Variants in RB1 observed in about 807,000 individuals in gnomAD.
The protein encoded by RB1 is retinoblastoma-associated protein.
A neutral mutation model predicts 135.4 loss-of-function variants in RB1; 18 were observed. That is an observed-to-expected ratio of 0.13 (90% CI 0.09 to 0.20). RB1 has a LOEUF of 0.20. Ranked by LOEUF, RB1 falls within the 10% of genes least tolerant of loss-of-function variation. The probability of loss-of-function intolerance (pLI) is 1.00; values close to 1 mark genes in which losing one functional copy is unlikely to be tolerated. For synonymous variants in RB1, 365 were observed against 373.2 expected, an observed-to-expected ratio of 0.98 and a Z score of 0.25; for missense variants, 868 against 1,110.0, an observed-to-expected ratio of 0.78 and a Z score of 3.10.
At chr13:48,338,191 C>T (rs372091497) in intron 2 of RB1, among the ~76,000 whole-genome samples, 1 of 152,120 alleles carries the variant, frequency 6.6e-6, no homozygotes, top group African/African-American at 2.4e-5. Context: ...ATCTTTGTGG[C>T]ATTCTCTGTA....
intron 17 of RB1, among the ~76,000 whole-genome samples, chr13:48,425,961 A>C (rs1949073840): frequency 6.6e-6 from 1 of 152,206 alleles, no homozygotes. Flanking sequence ...AAAACTAAAA[A>C]CTGGGTCCTC....
chr13:48,347,912 A>G (rs1448894108), intron 5 of RB1, 49 bp downstream of exon 5: 2 of 1,398,314 alleles, frequency 1.4e-6, no homozygotes, highest in Non-Finnish European at 2.0e-6. Flanking sequence ...AAAGATTTTT[A>G]TGGAATAATC....
At chr13:48,382,531 T>A (rs566052505) in intron 17 of RB1, among the ~76,000 whole-genome samples, 8 of 152,336 alleles carry the variant, frequency 5.3e-5, no homozygotes. Flanking sequence ...TTTCACCCAC[T>A]TTTTGATGGG....
At chr13:48,355,095 C>T (rs1440630490) in intron 6 of RB1, among the ~76,000 whole-genome samples, 2 of 151,988 alleles carry the variant, frequency 1.3e-5, no homozygotes, top group Non-Finnish European at 2.9e-5. Context: ...AAAGCTTCTA[C>T]ACAGCAAAGG....
Position 48,323,091 on chromosome 13 carries a change from T to G in RB1, c.264+15685T>G, listed in dbSNP as rs147606047. ...TTTTGATGGGGCAGTTTGTGAAGAA[T>G]AGATATTAATTCTTCTTTAAATATT... On this transcript the variant is annotated intron_variant, in intron 2 of 26. Transcript: ENST00000267163. Among the ~76,000 whole-genome samples the G allele has an allele frequency of 4.7e-4, 72 of 152,236 alleles. No individual in the cohort carries two copies. In the East Asian group the frequency reaches 0.012, roughly 26 times the overall value.
chr13:48,408,718 A>G (rs1410996853), intron 17 of RB1: 1 of 152,136 alleles, frequency 6.6e-6, no homozygotes, highest in Admixed American at 6.5e-5. Context: ...GTTATCTGTT[A>G]TGTATTGCTT....
rs2138331666 is a variant in RB1, at chr13:48,456,345, A to C, written c.1956A>C (p.Lys652Asn). 1 of 1,613,952 alleles carries C rather than the reference A, an allele frequency of 6.2e-7. No individual in the cohort carries two copies. ...CTACCTCTCTTTCACTGTTTTATAA[A>C]AAAGGTTAGTAGATGATTATTTTCA... ...LKSTSLSLFY[K>N]KVYRLAYLRL... The change falls in exon 19 of 27, where the codon AAA becomes AAC. Residue 652 changes from lysine (K) to asparagine (N), a missense_variant. Transcript: ENST00000267163.
intron 17 of RB1, chr13:48,429,400 G>T (rs972629527): frequency 6.6e-6 from 1 of 152,176 alleles, no homozygotes; most frequent in Non-Finnish European, 1.5e-5. Context: ...GCATCAATAT[G>T]GTGACCTCCT....
At chr13:48,337,129 G>A (rs1206963398) in intron 2 of RB1, among the ~76,000 whole-genome samples, 20 of 152,158 alleles carry the variant, frequency 1.3e-4, no homozygotes, top group Non-Finnish European at 2.8e-4. Flanking sequence ...GAATAAGTGT[G>A]ATATGCTGAG....
At chr13:48,358,761 T>G (rs1021814405) in intron 6 of RB1, among the ~76,000 whole-genome samples, 2 of 152,060 alleles carry the variant, frequency 1.3e-5, no homozygotes, top group African/African-American at 4.8e-5. Context: ...ACCGTTTGAG[T>G]TAGTCTCGCT....
rs77340325 is a variant in RB1, at chr13:48,320,135, G to A, written c.264+12729G>A. 2,630 of 799,420 alleles carry A rather than the reference G, an allele frequency of 3.3e-3. 55 individuals carry two copies. The African/African-American group carries it at 0.042, about 13-fold the overall frequency. The allele number at this position is 799,420 out of a possible 1,614,324, so 49.5% of individuals were successfully genotyped here. A position where few individuals can be genotyped will look rare whatever the true frequency, so the allele number is the denominator to read the frequency against. ...ATCATCATTGAATCTAGCACCAACG[G>A]GCCAAAGTCTGCAGTTTCCTCCTCC... On this transcript the variant is annotated intron_variant, in intron 2 of 26. Transcript: ENST00000267163.
chr13:48,406,098 C>CTG (rs149013062), intron 17 of RB1, among the ~76,000 whole-genome samples: 125,112 of 150,082 alleles, frequency 0.83, 55,768 homozygotes, highest in East Asian at 0.99. Flanking sequence ...ATAAATAACT[C>CTG]TGTGTGTGTG....
chr13:48,478,455 G>A (rs1359095058), intron 26 of RB1, among the ~76,000 whole-genome samples: 1 of 152,024 alleles, frequency 6.6e-6, no homozygotes, highest in African/African-American at 2.4e-5. Context: ...ATAGACAAGA[G>A]GCTCATAACC....
chr13:48,319,398 C>A lies in RB1; in HGVS notation c.264+11992C>A, dbSNP rs1028503829. On this transcript the variant is annotated intron_variant, in intron 2 of 26. Transcript: ENST00000267163. The surrounding 1 kb of genome is among the most constrained non-coding windows in gnomAD (Gnocchi z 5.0). ...GATGGCCTCCTCAGTGCCGTCGTTG[C>A]TGCTGGAGTCTGACGCCTCGGGCGC... The A allele has an allele frequency of 2.5e-6, 1 of 406,542 alleles. No individual in the cohort carries two copies. The highest frequency in any genetic ancestry group is 3.4e-5 in the Admixed American group (1 of 29,586). 25.2% of individuals were successfully genotyped at this position (406,542 alleles called of 1,614,324 possible). A position where few individuals can be genotyped will look rare whatever the true frequency, so the allele number is the denominator to read the frequency against.
intron 24 of RB1, 33 bp from the exon 25 acceptor site, chr13:48,476,668 A>G (rs755174151): frequency 6.2e-7 from 1 of 1,602,578 alleles, no homozygotes; most frequent in Non-Finnish European, 8.5e-7. Flanking sequence ...CTGGCATTTA[A>G]TGATTTAAAG....
chr13:48,318,429 G>T (rs907218930), intron 2 of RB1: 1 of 1,485,018 alleles, frequency 6.7e-7, no homozygotes, highest in Non-Finnish European at 9.3e-7. Context: ...ACTGTCCAGG[G>T]AGCTGCTCTT....
At chr13:48,476,916 C>T (rs1414612408) in intron 25 of RB1, 73 bp downstream of exon 25, 1 of 1,561,430 alleles carries the variant, frequency 6.4e-7, no homozygotes, top group Non-Finnish European at 8.8e-7. Context: ...CAGCACTGCT[C>T]CTGGCTTATA....
rs1055176035 is a variant in RB1 at position 48,304,011 on chromosome 13, A to G, written c.99A>G (p.Pro33=). Residue 33 remains proline (P), a synonymous_variant, in exon 1 of 27, where the codon CCA becomes CCG. Transcript: ENST00000267163. ...CGCCGCCCCCTCCTGAGGAGGACCC[A>G]GAGCAGGACAGCGGCCCGGAGGACC... ...PPPPPPPEED[P]EQDSGPEDLP... is the part of the protein sequence containing the mutation. The G allele has an allele frequency of 2.0e-6, 3 of 1,484,780 alleles. No homozygotes were observed. Among genetic ancestry groups the G allele is most frequent in the Non-Finnish European group, 2.7e-6 (3 of 1,126,084 alleles). The allele number at this position is 1,484,780 out of a possible 1,614,324, so 92.0% of individuals were successfully genotyped here.
intron 8 of RB1, among the ~76,000 whole-genome samples, chr13:48,363,572 A>G (rs934450116): frequency 6.6e-6 from 1 of 152,158 alleles, no homozygotes; most frequent in African/African-American, 2.4e-5. Context: ...ACGAACAAAC[A>G]AACCAAAAAA....
Sources: allele counts gnomAD v4.1 joint callset (sites outside exome capture counted in the v4.1 genomes callset), GRCh38; gene constraint gnomAD v4.1.1; non-coding constraint Gnocchi (gnomAD v3.1); transcripts MANE v1.5; gene names NCBI Gene and HGNC (gene_info 2026-07-23, HGNC 2026-07-21).